Variants in DLGAP3 observed in about 807,000 individuals in gnomAD.
DLGAP3 encodes DLG associated protein 3, also known as disks large-associated protein 3.
DLGAP3 carries 17 observed loss-of-function variants against 81.2 expected under a neutral mutation model. That is an observed-to-expected ratio of 0.21 (90% CI 0.14 to 0.31). The LOEUF (loss-of-function observed/expected upper bound fraction) is 0.31, where lower values mean the gene tolerates loss of function less well. Among genes scored for constraint, DLGAP3 ranks in the 10% least tolerant of loss-of-function variants. The pLI, the probability that DLGAP3 is intolerant of heterozygous loss-of-function variation, is 1.00. For synonymous variants in DLGAP3, 577 were observed against 587.4 expected (o/e 0.98, Z 0.26); for missense variants, 1,124 against 1,388.0 (o/e 0.81, Z 3.02).
rs1639010322 is a variant in DLGAP3, at chr1:34,873,631, G to A, written c.2001-4542C>T. 6.6e-6 allele frequency among the ~76,000 whole-genome samples: 1 copy of A among 152,210 alleles called. No homozygotes were observed. The highest frequency in any genetic ancestry group is 2.1e-4 in the South Asian group (1 of 4,826). On this transcript the variant is annotated intron_variant, in intron 8 of 11. Transcript: ENST00000373347. This position sits in a 1 kb window ranked among gnomAD's most constrained non-coding sequence, Gnocchi z 4.2. The stretch of plus-strand genomic sequence containing the variant: ...GGGAGCTGGACAAACACAATCATCG[G>A]AATGTAGCACTGAGAACCCGGCTAG...
chr1:34,878,326 A>G (rs1196024854), intron 8 of DLGAP3, among the ~76,000 whole-genome samples: 1 of 152,154 alleles, frequency 6.6e-6, no homozygotes, highest in Non-Finnish European at 1.5e-5. Context: ...AATAAAAATA[A>G]AAAAATAAGC....
chr1:34,910,129 C>T (rs1351430535), intron 1 of DLGAP3, among the ~76,000 whole-genome samples: 2 of 152,212 alleles, frequency 1.3e-5, no homozygotes, highest in Non-Finnish European at 2.9e-5. Flanking sequence ...GCCTAGAGAA[C>T]TGCAGAGATG....
Position 34,865,929 on chromosome 1 carries a change from A to G in DLGAP3, c.*154T>C, listed in dbSNP as rs1265715295. The G allele has an allele frequency of 4.7e-5, 35 of 737,304 alleles. No individual in the cohort carries two copies. In the East Asian group the frequency reaches 8.1e-4, roughly 17 times the overall value. 45.7% of individuals were successfully genotyped at this position (737,304 alleles called of 1,614,324 possible). Reference sequence around the variant, plus strand: ...TTCGCGTGGGATCAGGAAGGTAAAAAACCCACGAGAGTGTGACGGGCCCGG... The same window carrying G: ...TTCGCGTGGGATCAGGAAGGTAAAAGACCCACGAGAGTGTGACGGGCCCGG... On this transcript the variant is annotated 3_prime_UTR_variant, in exon 12 of 12. Transcript: ENST00000373347.
chr1:34,898,703 A>G (rs914068252), intron 5 of DLGAP3, among the ~76,000 whole-genome samples: 5 of 152,232 alleles, frequency 3.3e-5, no homozygotes, highest in South Asian at 4.1e-4. Context: ...AAAAAAAGTC[A>G]AGTAACTTGC....
intron 1 of DLGAP3, among the ~76,000 whole-genome samples, chr1:34,926,141 T>C (rs1421745747): frequency 6.6e-6 from 1 of 152,202 alleles, no homozygotes; most frequent in African/African-American, 2.4e-5. Flanking sequence ...TAACCATATG[T>C]GTAAACCAGC....
chr1:34,911,246 T>C (rs1394034727), intron 1 of DLGAP3, among the ~76,000 whole-genome samples: 2 of 152,202 alleles, frequency 1.3e-5, no homozygotes, highest in African/African-American at 2.4e-5. Flanking sequence ...GAAGTGAATA[T>C]GTTTTTTTAA....
intron 8 of DLGAP3, among the ~76,000 whole-genome samples, chr1:34,880,108 C>T (rs1178789973): frequency 1.3e-5 from 2 of 152,092 alleles, no homozygotes; most frequent in African/African-American, 2.4e-5. Context: ...GGCTGAAGTA[C>T]AGTGGTGTGA....
chr1:34,870,457 C>T (rs1638963086), intron 8 of DLGAP3, among the ~76,000 whole-genome samples: 1 of 152,160 alleles, frequency 6.6e-6, no homozygotes, highest in Non-Finnish European at 1.5e-5. Flanking sequence ...AAGAGACTCT[C>T]CCAACCCCCG....
chr1:34,899,871 C>A, intron 4 of DLGAP3, 130 bp from the exon 5 acceptor site: 3 of 996,326 alleles, frequency 3.0e-6, no homozygotes, highest in Non-Finnish European at 4.6e-6. Context: ...CCTTAGGAGA[C>A]CCTGGGTAAA....
chr1:34,885,665 G>A lies in DLGAP3; in HGVS notation c.1727C>T (p.Ala576Val), dbSNP rs2148401891. The A allele has an allele frequency of 1.4e-6, 2 of 1,416,134 alleles. No individual in the cohort carries two copies. Among genetic ancestry groups the A allele is most frequent in the South Asian group, 3.1e-5 (2 of 63,702 alleles). 87.7% of individuals were successfully genotyped at this position (1,416,134 alleles called of 1,614,324 possible). ...HESFTAAEGP[A>V]RRCSSADGLD... ...CCCGTCGGCGGAGCTGCAGCGCCGGGCGGGGCCCTCGGCCGCCGTGAAGCT... is the reference window on the plus strand; with the variant it reads ...CCCGTCGGCGGAGCTGCAGCGCCGGACGGGGCCCTCGGCCGCCGTGAAGCT... Residue 576 changes from alanine to valine, a missense_variant, in exon 7 of 12, where the codon GCC becomes GTC. Around this residue, in one of 9 missense-constraint regions of DLGAP3, gnomAD observed 379 missense variants for 455.7 expected, o/e 0.83. Transcript: ENST00000373347.
chr1:34,885,594 C>T lies in DLGAP3; in HGVS notation c.1798G>A (p.Val600Met), dbSNP rs760745553. 2 of 1,591,040 alleles carry T rather than the reference C, an allele frequency of 1.3e-6. No individual in the cohort carries two copies. The highest frequency in any genetic ancestry group is 1.7e-6 in the Non-Finnish European group (2 of 1,173,932). The change falls in exon 7 of 12, where the codon GTG becomes ATG. Residue 600 changes from valine to methionine, a missense_variant. Val to Met is a conservative substitution (Grantham distance 21, BLOSUM62 1). This residue lies in a region of DLGAP3 where 379 missense variants were observed against 455.7 expected (regional missense o/e 0.83). Transcript: ENST00000373347. Reference protein sequence around the residue: ...MGARTLELAPVPPRASPKPPT... With the variant: ...MGARTLELAPMPPRASPKPPT... ...GGCTTGGGGCTGGCCCGGGGCGGCACCGGCGCCAACTCCAGTGTGCGCGCA... is the reference window on the plus strand; with the variant it reads ...GGCTTGGGGCTGGCCCGGGGCGGCATCGGCGCCAACTCCAGTGTGCGCGCA...
intron 8 of DLGAP3, among the ~76,000 whole-genome samples, chr1:34,871,294 G>A (rs534834090): frequency 1.3e-5 from 2 of 152,210 alleles, no homozygotes; most frequent in East Asian, 1.9e-4. Context: ...GACTATAAGC[G>A]ATCCTGACTC....
Position 34,886,293 on chromosome 1 carries a change from G to A in DLGAP3, c.1387-8C>T, listed in dbSNP as rs1236919503. ...GTTCAACTCATCGCTGAGCTGGGGG[G>A]CAGGGGGTCGGGAGGACAGTTATAA... On this transcript the variant is annotated splice_region_variant and splice_polypyrimidine_tract_variant and intron_variant, in intron 5 of 11. Coordinates refer to ENST00000373347, the MANE Select transcript of DLGAP3 (RefSeq NM_001080418.3). 1.3e-6 allele frequency: 2 copies of A among 1,569,484 alleles called. No homozygotes were observed. Among genetic ancestry groups the A allele is most frequent in the Non-Finnish European group, 1.7e-6 (2 of 1,156,740 alleles).
intron 1 of DLGAP3, among the ~76,000 whole-genome samples, chr1:34,924,551 C>A (rs1210174738): frequency 6.6e-6 from 1 of 152,168 alleles, no homozygotes; most frequent in African/African-American, 2.4e-5. Flanking sequence ...GCTGTAACCA[C>A]CCCACACCTA....
At chr1:34,890,510 T>G (rs1414959479) in intron 5 of DLGAP3, among the ~76,000 whole-genome samples, 1 of 152,274 alleles carries the variant, frequency 6.6e-6, no homozygotes, top group Admixed American at 6.5e-5. Context: ...CTTCTGAGAT[T>G]AGGTTACAAA....
At position 34,886,130 on chromosome 1, in the gene DLGAP3, G is replaced by C. The variant is rs1639224288; in HGVS notation, c.1542C>G (p.Asp514Glu). 7 of 1,607,942 alleles carry C rather than the reference G, an allele frequency of 4.4e-6. No individual in the cohort carries two copies. The highest frequency in any genetic ancestry group is 5.9e-6 in the Non-Finnish European group (7 of 1,178,250). The change falls in exon 6 of 12, where the codon GAC becomes GAG. Residue 514 changes from aspartate to glutamate, a missense_variant. By Grantham distance (45) the Asp-to-Glu change is conservative. Coordinates refer to ENST00000373347, the MANE Select transcript of DLGAP3 (RefSeq NM_001080418.3). Reference protein sequence around the residue: ...LRAIQAGCSQDDDCLPLLATP... With the variant: ...LRAIQAGCSQEDDCLPLLATP... ...TAGCGAGGAGGGGCAGGCAGTCGTC[G>C]TCTTGAGAGCAGCCGGCCTGGATGG...
Position 34,866,249 on chromosome 1 carries a change from C to A in DLGAP3, c.2774G>T (p.Gly925Val). Residue 925 changes from glycine to valine, a missense_variant, in exon 12 of 12, where the codon GGC becomes GTC. By Grantham distance (109) the Gly-to-Val change is moderately radical. Coordinates refer to ENST00000373347, the MANE Select transcript of DLGAP3 (RefSeq NM_001080418.3). ...PIPKKPLRGR[G>V]VPVKERSLDS... ...CAGGGAGCGCTCCTTCACCGGCACG[C>A]CCCGGCCCCGCAGGGGCTTCTTTGG... 6.4e-7 allele frequency: 1 copy of A among 1,564,882 alleles called. No individual in the cohort carries two copies.
intron 5 of DLGAP3, among the ~76,000 whole-genome samples, chr1:34,891,219 C>T (rs1639307793): frequency 6.6e-6 from 1 of 152,222 alleles, no homozygotes; most frequent in African/African-American, 2.4e-5. Flanking sequence ...TTGCCTGAGG[C>T]TGCTCTCGTT....
chr1:34,882,590 C>G (rs796341286), intron 8 of DLGAP3, among the ~76,000 whole-genome samples: 7 of 152,338 alleles, frequency 4.6e-5, no homozygotes, highest in African/African-American at 1.7e-4. Context: ...ACAATAGCCA[C>G]CACATTGCAA....
Sources: allele counts gnomAD v4.1 joint callset (sites outside exome capture counted in the v4.1 genomes callset), GRCh38; gene constraint gnomAD v4.1.1; regional missense constraint gnomAD v4.1.1; non-coding constraint Gnocchi (gnomAD v3.1); transcripts MANE v1.5; gene names NCBI Gene and HGNC (gene_info 2026-07-23, HGNC 2026-07-21).